TP63: variants seen among roughly 807,000 people sequenced by gnomAD.
TP63 encodes the protein tumor protein 63.
A neutral mutation model predicts 82.8 loss-of-function variants in TP63; 17 were observed. The observed-to-expected ratio is 0.21, with a 90% CI of 0.14 to 0.31. TP63 has a LOEUF of 0.31. Among genes scored for constraint, TP63 ranks in the 10% least tolerant of loss-of-function variants. The probability of loss-of-function intolerance (pLI) is 1.00; values close to 1 mark genes in which losing one functional copy is unlikely to be tolerated. For synonymous variants in TP63, 330 were observed against 321.7 expected (o/e 1.03, Z -0.28); for missense variants, 648 against 895.3 (o/e 0.72, Z 3.52).
intron 3 of TP63, chr3:189,789,806 G>A (rs745626216): frequency 1.2e-5 from 19 of 1,596,056 alleles, no homozygotes; most frequent in Non-Finnish European, 1.6e-5. Flanking sequence ...CTAACATGTT[G>A]TACCTGGAAA....
intron 1 of TP63, among the ~76,000 whole-genome samples, chr3:189,638,721 A>G (rs1366392098): frequency 1.3e-5 from 2 of 152,170 alleles, no homozygotes; most frequent in African/African-American, 4.8e-5. Context: ...ACTTGGAGAA[A>G]TAATTCTAGA....
intron 4 of TP63, 29 bp downstream of exon 4, chr3:189,808,555 A>ACCC (rs1235161361): frequency 6.2e-7 from 1 of 1,610,776 alleles, no homozygotes. Flanking sequence ...CACATACCTG[A>ACCC]CCCCCCAAGT....
At chr3:189,820,343 G>A (rs1247008180) in intron 4 of TP63, among the ~76,000 whole-genome samples, 2 of 152,164 alleles carry the variant, frequency 1.3e-5, no homozygotes, top group Non-Finnish European at 2.9e-5. Flanking sequence ...TTTCCACAAT[G>A]CATTCATATT....
intron 1 of TP63, among the ~76,000 whole-genome samples, chr3:189,673,597 G>A (rs1715123047): frequency 6.6e-6 from 1 of 151,958 alleles, no homozygotes; most frequent in Non-Finnish European, 1.5e-5. Flanking sequence ...CTTTACCATA[G>A]CATTAAAATA....
rs559454450 is a variant in TP63 at position 189,764,835 on chromosome 3, G to A, written c.324+26061G>A. Among the ~76,000 whole-genome samples the A allele has an allele frequency of 4.6e-5, 7 of 152,132 alleles. 1 individual carries two copies. The highest frequency in any genetic ancestry group is 1.9e-4 in the East Asian group (1 of 5,194). On this transcript the variant is annotated intron_variant, in intron 3 of 13. Transcript: ENST00000264731. The stretch of plus-strand genomic sequence containing the variant: ...CATTTTTGTACTTCGGCGGCACAGC[G>A]TAATGAATCAGAAAATAAACTAGAA...
intron 1 of TP63, among the ~76,000 whole-genome samples, chr3:189,662,889 T>A (rs1714046769): frequency 6.6e-6 from 1 of 152,198 alleles, no homozygotes; most frequent in Admixed American, 6.5e-5. Context: ...TCTAATTTGA[T>A]CACTAATTAT....
At position 189,886,426 on chromosome 3, in the gene TP63, A is replaced by T; in HGVS notation, c.1382A>T (p.Asn461Ile). The change falls in exon 11 of 14, where the codon AAC (asparagine) becomes ATC (isoleucine). Residue 461 changes from asparagine to isoleucine, a missense_variant. Asn to Ile is a moderately radical substitution (Grantham distance 149). Coordinates refer to ENST00000264731, the MANE Select transcript of TP63 (RefSeq NM_003722.5). ...TSIQSPSSYG[N>I]SSPPLNKMNS... ...ATACAGTCTCCATCTTCATATGGTA[A>T]CAGCTCCCCACCTCTGAACAAAATG... 1 of 1,614,076 alleles carries T rather than the reference A, an allele frequency of 6.2e-7. No homozygotes were observed. Among genetic ancestry groups the T allele is most frequent in the Non-Finnish European group, 8.5e-7 (1 of 1,179,990 alleles).
chr3:189,753,434 T>C (rs1221191930), intron 3 of TP63, among the ~76,000 whole-genome samples: 3 of 152,060 alleles, frequency 2.0e-5, no homozygotes, highest in African/African-American at 7.2e-5. Context: ...TTTTCCGAAG[T>C]CTACTTTAGT....
intron 3 of TP63, among the ~76,000 whole-genome samples, chr3:189,762,210 C>T (rs1405203194): frequency 2.0e-5 from 3 of 152,144 alleles, no homozygotes; most frequent in Non-Finnish European, 2.9e-5. Context: ...GCAAATTTCC[C>T]CCCACAAAGG....
At chr3:189,763,509 G>T (rs2108542861) in intron 3 of TP63, among the ~76,000 whole-genome samples, 1 of 152,280 alleles carries the variant, frequency 6.6e-6, no homozygotes, top group Middle Eastern at 3.4e-3. Context: ...TTATGGACAG[G>T]AGACAATACA....
intron 9 of TP63, 76 bp downstream of exon 9, chr3:189,869,482 C>T (rs1340872386): frequency 4.5e-6 from 6 of 1,341,044 alleles, no homozygotes; most frequent in Non-Finnish European, 5.3e-6. Flanking sequence ...TGATCATCAT[C>T]TCATTATCTG....
chr3:189,793,343 A>G (rs1725355125), intron 3 of TP63, among the ~76,000 whole-genome samples: 1 of 152,148 alleles, frequency 6.6e-6, no homozygotes, highest in African/African-American at 2.4e-5. Context: ...CACGTACAGC[A>G]GAAAGCATCA....
chr3:189,717,867 C>T (rs1195564301), intron 1 of TP63, among the ~76,000 whole-genome samples: 1 of 152,118 alleles, frequency 6.6e-6, no homozygotes, highest in Non-Finnish European at 1.5e-5. Context: ...TTAGTAGTAA[C>T]AGGAAACATA....
At chr3:189,885,059 A>C (rs2108851220) in intron 10 of TP63, among the ~76,000 whole-genome samples, 1 of 152,362 alleles carries the variant, frequency 6.6e-6, no homozygotes, top group Middle Eastern at 3.4e-3. Flanking sequence ...ATATGCAGAT[A>C]AAACTCAAAG....
rs1177575895 is a variant in TP63 at position 189,867,724 on chromosome 3, G to A, written c.883-109G>A. On this transcript the variant is annotated intron_variant, in intron 6 of 13. Coordinates refer to ENST00000264731, the MANE Select transcript of TP63 (RefSeq NM_003722.5). Reference sequence around the variant, plus strand: ...TCAGAGTTTGCCCTTTTAGGAGGAAGCGTATCACTTCATCAGAAGTGGAAT... The same window carrying A: ...TCAGAGTTTGCCCTTTTAGGAGGAAACGTATCACTTCATCAGAAGTGGAAT... 8.0e-6 allele frequency: 8 copies of A among 1,004,132 alleles called. No individual in the cohort carries two copies. The Admixed American group carries it at 1.6e-4, about 20-fold the overall frequency. The allele number at this position is 1,004,132 out of a possible 1,614,324, so 62.2% of individuals were successfully genotyped here.
At chr3:189,745,991 C>T (rs1335630236) in intron 3 of TP63, among the ~76,000 whole-genome samples, 1 of 151,766 alleles carries the variant, frequency 6.6e-6, no homozygotes, top group Non-Finnish European at 1.5e-5. Context: ...ATTAGAAAAT[C>T]TATTTAACAA....
chr3:189,769,983 G>T (rs1039077768), intron 3 of TP63, among the ~76,000 whole-genome samples: 8 of 152,178 alleles, frequency 5.3e-5, no homozygotes, highest in African/African-American at 1.9e-4. Flanking sequence ...TGTTTACCAG[G>T]GTTACAACTT....
chr3:189,786,049 A>G (rs75675459), intron 3 of TP63, among the ~76,000 whole-genome samples: 18,712 of 152,072 alleles, frequency 0.12, 1,250 homozygotes, highest in East Asian at 0.33. Flanking sequence ...AAAATCCAGT[A>G]TAACTATTTA....
chr3:189,880,366 C>T, intron 10 of TP63: 1 of 1,228,516 alleles, frequency 8.1e-7, no homozygotes, highest in African/African-American at 1.5e-5. Context: ...GGACTCAAAC[C>T]TTTACAAGAA....
Sources: allele counts gnomAD v4.1 joint callset (sites outside exome capture counted in the v4.1 genomes callset), GRCh38; gene constraint gnomAD v4.1.1; transcripts MANE v1.5; gene names NCBI Gene and HGNC (gene_info 2026-07-23, HGNC 2026-07-21).